NPHS2: variants seen among roughly 807,000 people sequenced by gnomAD.
NPHS2 encodes NPHS2 stomatin family member, podocin, also known as podocin.
In NPHS2, 36 loss-of-function variants were observed where a neutral mutation model predicts 37.1. The ratio of observed to expected loss-of-function variants is 0.97; its 90% CI spans 0.74 to 1.28. The LOEUF is 1.28. Ranked by LOEUF, NPHS2 falls within the 50% of genes most tolerant of loss-of-function variation. The probability of loss-of-function intolerance (pLI) is 0.00; values close to 1 mark genes in which losing one functional copy is unlikely to be tolerated. For missense variants in NPHS2, 447 were observed against 488.1 expected (o/e 0.92, Z 0.79); for synonymous variants, 196 against 189.3 (o/e 1.04, Z -0.29).
In NPHS2 at chr1:179,557,172, T is replaced by G; in HGVS notation, c.593A>C (p.Glu198Ala). The G allele has an allele frequency of 1.2e-6, 2 of 1,614,074 alleles. No individual in the cohort carries two copies. Among genetic ancestry groups the G allele is most frequent in the East Asian group, 2.2e-5 (1 of 44,872 alleles). ...EIDAICYYRM[E>A]NASLLLSSLA... ...ACTGCTTAGGAGAAGAGAGGCATTT[T>G]CCATTCGGTAGTAGCAAATGGCATC... Residue 198 changes from glutamate to alanine, a missense_variant, in exon 5 of 8, where the codon GAA (glutamate) becomes GCA (alanine). Glu to Ala is a moderately radical substitution (Grantham distance 107, BLOSUM62 -1). Coordinates refer to ENST00000367615, the MANE Select transcript of NPHS2 (RefSeq NM_014625.4).
chr1:179,564,838 T>G (rs753615832), intron 1 of NPHS2, 45 bp from the exon 2 acceptor site: 1 of 1,444,428 alleles, frequency 6.9e-7, no homozygotes, highest in South Asian at 1.2e-5. Flanking sequence ...GAAACTTCAC[T>G]GTATTCACTG....
Position 179,551,152 on chromosome 1 carries a change from T to C in NPHS2, c.*21A>G. Reference sequence around the variant, plus strand: ...TTTTCTATGGCAGGCCCCTTTACAGTCACATTATGCCCCATCCTTCCTATA... The same window carrying C: ...TTTTCTATGGCAGGCCCCTTTACAGCCACATTATGCCCCATCCTTCCTATA... On this transcript the variant is annotated 3_prime_UTR_variant, in exon 8 of 8. Coordinates refer to ENST00000367615, the MANE Select transcript of NPHS2 (RefSeq NM_014625.4). 1 of 1,613,400 alleles carries C rather than the reference T, an allele frequency of 6.2e-7. No individual in the cohort carries two copies.
intron 4 of NPHS2, among the ~76,000 whole-genome samples, chr1:179,558,430 G>A (rs907640584): frequency 6.6e-6 from 1 of 152,042 alleles, no homozygotes; most frequent in Non-Finnish European, 1.5e-5. Context: ...TTTTAAGGCC[G>A]AATAATGTTC....
intron 5 of NPHS2, 146 bp from the exon 6 acceptor site, chr1:179,554,677 C>T (rs974689517): frequency 1.0e-5 from 11 of 1,101,946 alleles, no homozygotes; most frequent in Non-Finnish European, 1.5e-5. Context: ...CTTCACAGTG[C>T]CTTGCAAAGA....
intron 1 of NPHS2, among the ~76,000 whole-genome samples, chr1:179,571,278 G>A (rs1674541086): frequency 6.6e-6 from 1 of 152,192 alleles, no homozygotes; most frequent in Non-Finnish European, 1.5e-5. Flanking sequence ...TGATGTTGAT[G>A]CTATTCCTTT....
intron 4 of NPHS2, among the ~76,000 whole-genome samples, chr1:179,559,127 T>C (rs1026577393): frequency 2.6e-5 from 4 of 151,960 alleles, no homozygotes; most frequent in Non-Finnish European, 5.9e-5. Context: ...CAGGGAAGAG[T>C]TTATCTTTTC....
intron 1 of NPHS2, among the ~76,000 whole-genome samples, chr1:179,569,874 A>G (rs1674485399): frequency 6.6e-6 from 1 of 152,008 alleles, no homozygotes; most frequent in Admixed American, 6.6e-5. Context: ...GTAGGCCCCC[A>G]CTCTCTTCTA....
chr1:179,551,295 A>G lies in NPHS2; in HGVS notation c.1030T>C (p.Phe344Leu), dbSNP rs769631883. Reference protein sequence around the residue: ...KPSTVVLPLPFDLLNCLSSPS... With the variant: ...KPSTVVLPLPLDLLNCLSSPS... Reference sequence around the variant, plus strand: ...GAAGACAGGCAATTCAGTAGGTCAAATGGCAAAGGTAAAACCACAGTGGAA... The same window carrying G: ...GAAGACAGGCAATTCAGTAGGTCAAGTGGCAAAGGTAAAACCACAGTGGAA... The change falls in exon 8 of 8, where the codon TTT becomes CTT. Residue 344 changes from phenylalanine to leucine, a missense_variant. Phe to Leu is a conservative substitution (Grantham distance 22). Coordinates refer to ENST00000367615, the MANE Select transcript of NPHS2 (RefSeq NM_014625.4). The G allele has an allele frequency of 5.2e-5, 84 of 1,614,126 alleles. No homozygotes were observed. The highest frequency in any genetic ancestry group is 7.1e-5 in the Non-Finnish European group (84 of 1,180,006).
intron 1 of NPHS2, 145 bp from the exon 2 acceptor site, chr1:179,564,938 G>C (rs1674280242): frequency 6.9e-6 from 5 of 722,094 alleles, no homozygotes; most frequent in Admixed American, 4.3e-5. Context: ...AATCAGAGTA[G>C]TCAGAGTTCA....
chr1:179,570,568 C>T (rs772401601), intron 1 of NPHS2, among the ~76,000 whole-genome samples: 33 of 152,160 alleles, frequency 2.2e-4, no homozygotes, highest in Non-Finnish European at 3.8e-4. Context: ...CCTTCATTCC[C>T]GTAGACACAC....
At position 179,558,519 on chromosome 1, in the gene NPHS2, T is replaced by C. The variant is rs549465665; in HGVS notation, c.534+1160A>G. Among the ~76,000 whole-genome samples, 4 of 152,332 alleles carry C rather than the reference T, an allele frequency of 2.6e-5. No homozygotes were observed. The South Asian group carries it at 8.3e-4, about 32-fold the overall frequency. ...TTGGGTTGCTTCTTCCTTTTGGTTA[T>C]TGTGAATAATGCTGTTATGAACACA... On this transcript the variant is annotated intron_variant, in intron 4 of 7. Transcript: ENST00000367615.
chr1:179,553,802 A>G (rs545828705), intron 6 of NPHS2, among the ~76,000 whole-genome samples: 20 of 152,234 alleles, frequency 1.3e-4, no homozygotes, highest in Admixed American at 1.3e-3. Flanking sequence ...GCTGGAGTGC[A>G]ATGCACAATC....
rs545788840 is a variant in NPHS2 at position 179,567,791 on chromosome 1, G to A, written c.275-2998C>T. Among the ~76,000 whole-genome samples, 37 of 152,274 alleles carry A rather than the reference G, an allele frequency of 2.4e-4. No individual in the cohort carries two copies. The East Asian group carries it at 6.4e-3, about 26-fold the overall frequency. The stretch of plus-strand genomic sequence containing the variant: ...TTAGCATGAAGGGCTGTTGAATTTT[G>A]TCAAAGGCCTTTTCTGCATCTATTG... On this transcript the variant is annotated intron_variant, in intron 1 of 7. Coordinates refer to ENST00000367615, the MANE Select transcript of NPHS2 (RefSeq NM_014625.4).
chr1:179,556,943 A>G lies in NPHS2; in HGVS notation c.738+84T>C. 3.8e-6 allele frequency: 5 copies of G among 1,318,762 alleles called. No homozygotes were observed. In the Admixed American group the frequency reaches 5.9e-5, roughly 16 times the overall value. The allele number at this position is 1,318,762 out of a possible 1,614,324, so 81.7% of individuals were successfully genotyped here. A position where few individuals can be genotyped will look rare whatever the true frequency, so the allele number is the denominator to read the frequency against. ...TGGCCCCTAAGGGATGGAACTGGCC[A>G]TAGAAGATTTAATAAATGTCCAATG... On this transcript the variant is annotated intron_variant, in intron 5 of 7. Coordinates refer to ENST00000367615, the MANE Select transcript of NPHS2 (RefSeq NM_014625.4). The surrounding 1 kb of genome is among the most constrained non-coding windows in gnomAD (Gnocchi z 4.1).
chr1:179,575,476 A>T, intron 1 of NPHS2, 115 bp downstream of exon 1: 1 of 1,422,884 alleles, frequency 7.0e-7, no homozygotes. Context: ...GAACCTGAGC[A>T]TCCAGCAATC....
intron 1 of NPHS2, among the ~76,000 whole-genome samples, chr1:179,570,484 C>T (rs895677352): frequency 2.6e-5 from 4 of 152,348 alleles, no homozygotes; most frequent in East Asian, 3.9e-4. Flanking sequence ...AGGCACAGAT[C>T]GCTCATGCTA....
At position 179,564,478 on chromosome 1, in the gene NPHS2, A is replaced by G. The variant is rs569568223; in HGVS notation, c.378+212T>C. On this transcript the variant is annotated intron_variant, in intron 2 of 7. Transcript: ENST00000367615. ...AGCAGAGTGACATGGGAGCACCAGG[A>G]AGGGAATGACAGTCTGGGGGAGTCA... Among the ~76,000 whole-genome samples the G allele has an allele frequency of 2.6e-5, 4 of 152,330 alleles. No individual in the cohort carries two copies. In the East Asian group the frequency reaches 7.7e-4, roughly 29 times the overall value.
At chr1:179,568,104 A>G (rs1396733763) in intron 1 of NPHS2, among the ~76,000 whole-genome samples, 2 of 152,056 alleles carry the variant, frequency 1.3e-5, no homozygotes, top group African/African-American at 4.8e-5. Flanking sequence ...TTTTCTATTG[A>G]TTGGAAGAGT....
Position 179,552,964 on chromosome 1 carries a change from G to A in NPHS2, c.795-283C>T, listed in dbSNP as rs78465132. ...TTGATGAGCTGTGCTCAGTTTTTCC[G>A]CTTAGGATATAATCTAAGCCCCAAC... is the stretch of plus-strand genomic sequence containing the variant. On this transcript the variant is annotated intron_variant, in intron 6 of 7. Coordinates refer to ENST00000367615, the MANE Select transcript of NPHS2 (RefSeq NM_014625.4). Among the ~76,000 whole-genome samples, 2,088 of 152,234 alleles carry A rather than the reference G, an allele frequency of 0.014. 29 individuals are homozygous for A. The highest frequency in any genetic ancestry group is 0.021 in the Admixed American group (326 of 15,304).
Sources: allele counts gnomAD v4.1 joint callset (sites outside exome capture counted in the v4.1 genomes callset), GRCh38; gene constraint gnomAD v4.1.1; non-coding constraint Gnocchi (gnomAD v3.1); transcripts MANE v1.5; gene names NCBI Gene and HGNC (gene_info 2026-07-23, HGNC 2026-07-21).